Variants in ITPR1 observed in about 807,000 individuals in gnomAD.
ITPR1 encodes the protein inositol 1,4,5-trisphosphate receptor type 1.
Under a neutral mutation model 318.4 loss-of-function variants are expected in ITPR1, and 96 were observed. The ratio of observed to expected loss-of-function variants is 0.30; its 90% CI spans 0.26 to 0.36. The LOEUF (loss-of-function observed/expected upper bound fraction) is 0.36. ITPR1 is among the 10% of genes least tolerant of loss of function. The probability of loss-of-function intolerance (pLI) is 1.00; values close to 1 mark genes in which losing one functional copy is unlikely to be tolerated. For missense variants in ITPR1, 2,440 were observed against 3,460.2 expected, an observed-to-expected ratio of 0.71 and a Z score of 7.40; for synonymous variants, 1,312 against 1,289.9, an observed-to-expected ratio of 1.02 and a Z score of -0.37.
chr3:4,740,473 T>C (rs914333814), intron 44 of ITPR1, among the ~76,000 whole-genome samples: 7 of 152,216 alleles, frequency 4.6e-5, no homozygotes, highest in African/African-American at 1.4e-4. Flanking sequence ...TTTATGGGAA[T>C]CCACAAATAA....
intron 43 of ITPR1, 80 bp from the exon 44 acceptor site, chr3:4,735,084 A>G (rs537868398): frequency 9.3e-7 from 1 of 1,074,788 alleles, no homozygotes; most frequent in South Asian, 1.5e-5. Context: ...TAGTGCATAA[A>G]GTGTTGGTGC....
At chr3:4,541,030 A>G (rs562425140) in intron 4 of ITPR1, among the ~76,000 whole-genome samples, 1 of 152,138 alleles carries the variant, frequency 6.6e-6, no homozygotes, top group South Asian at 2.1e-4. Context: ...GTTTATAACT[A>G]TCATTATTCT....
intron 40 of ITPR1, among the ~76,000 whole-genome samples, chr3:4,718,463 C>T (rs1417339983): frequency 6.6e-6 from 1 of 152,146 alleles, no homozygotes; most frequent in African/African-American, 2.4e-5. Context: ...TCAGATATCC[C>T]TAAGGAGGGT....
At chr3:4,725,426 G>A in intron 40 of ITPR1, 120 bp from the exon 41 acceptor site, 4 of 786,698 alleles carry the variant, frequency 5.1e-6, no homozygotes, top group South Asian at 2.9e-5. Context: ...ATCCAGCAGG[G>A]TTGCCTCATC....
intron 5 of ITPR1, among the ~76,000 whole-genome samples, chr3:4,630,149 A>T (rs1027670316): frequency 7.2e-5 from 11 of 152,170 alleles, no homozygotes; most frequent in Non-Finnish European, 1.3e-4. Flanking sequence ...TCTTAAGTCA[A>T]TGCTCAGGGA....
At chr3:4,616,957 G>C (rs559012788) in intron 4 of ITPR1, among the ~76,000 whole-genome samples, 1 of 151,692 alleles carries the variant, frequency 6.6e-6, no homozygotes, top group Non-Finnish European at 1.5e-5. Flanking sequence ...GTGAAGAGTC[G>C]GTGTGCCTTC....
At chr3:4,621,438 C>A (rs566446108) in intron 4 of ITPR1, among the ~76,000 whole-genome samples, 1 of 152,282 alleles carries the variant, frequency 6.6e-6, no homozygotes, top group African/African-American at 2.4e-5. Context: ...CATGAGAAAT[C>A]CACCCCCATG....
intron 60 of ITPR1, among the ~76,000 whole-genome samples, chr3:4,834,828 G>C (rs149248417): frequency 6.6e-6 from 1 of 152,146 alleles, no homozygotes; most frequent in Non-Finnish European, 1.5e-5. Flanking sequence ...CCATTGCTCT[G>C]TGGTGGGAAA....
At chr3:4,497,439 C>T (rs145872124) in intron 2 of ITPR1, among the ~76,000 whole-genome samples, 5 of 152,302 alleles carry the variant, frequency 3.3e-5, no homozygotes, top group African/African-American at 9.6e-5. Context: ...AACAAACCAT[C>T]CCGTTCCCAA....
At chr3:4,691,414 T>A in intron 32 of ITPR1, 70 bp downstream of exon 32, 1 of 1,119,404 alleles carries the variant, frequency 8.9e-7, no homozygotes. Context: ...TTTAATCTTA[T>A]CTGTATGAAC....
At chr3:4,814,611 G>GCT in intron 58 of ITPR1, 49 bp downstream of exon 58, 1 of 707,948 alleles carries the variant, frequency 1.4e-6, no homozygotes, top group Non-Finnish European at 2.4e-6. Flanking sequence ...GGGTGGGGTG[G>GCT]TTGGTGGGAG....
chr3:4,567,854 C>G (rs1305551976), intron 4 of ITPR1, among the ~76,000 whole-genome samples: 1 of 152,178 alleles, frequency 6.6e-6, no homozygotes, highest in East Asian at 1.9e-4. Context: ...TCCACCTGCC[C>G]TGGACTTCCA....
rs1387163929 is a variant in ITPR1 at position 4,642,071 on chromosome 3, T to C, written c.367-22T>C. The C allele has an allele frequency of 1.9e-6, 3 of 1,555,770 alleles. No homozygotes were observed. The African/African-American group carries it at 4.2e-5, about 22-fold the overall frequency. On this transcript the variant is annotated intron_variant, in intron 6 of 61. Transcript: ENST00000649015. ...AATTCAGATTTGCTGACACTCACTT[T>C]ATTCTCTTGGTGGGTTTTTAGCTCC...
chr3:4,646,439 A>G (rs1414775446), intron 10 of ITPR1, among the ~76,000 whole-genome samples: 1 of 152,230 alleles, frequency 6.6e-6, no homozygotes, highest in East Asian at 1.9e-4. Context: ...TGGAAACGTG[A>G]AGCAGCGTGG....
chr3:4,745,434 T>A (rs2125336104), intron 44 of ITPR1, among the ~76,000 whole-genome samples: 1 of 152,294 alleles, frequency 6.6e-6, no homozygotes, highest in East Asian at 1.9e-4. Flanking sequence ...GTGAGCCCCC[T>A]CTGACCGTCC....
chr3:4,830,280 A>C (rs1298028434), intron 60 of ITPR1, among the ~76,000 whole-genome samples: 1 of 152,010 alleles, frequency 6.6e-6, no homozygotes, highest in Non-Finnish European at 1.5e-5. Flanking sequence ...CTGGCCTATA[A>C]TAGATATTAT....
intron 4 of ITPR1, among the ~76,000 whole-genome samples, chr3:4,541,750 C>A (rs1489146052): frequency 6.6e-6 from 1 of 151,982 alleles, no homozygotes; most frequent in Non-Finnish European, 1.5e-5. Context: ...CTCAGCCTCC[C>A]GAGTAGCTGG....
chr3:4,806,694 C>T (rs2048575208), intron 55 of ITPR1, among the ~76,000 whole-genome samples: 1 of 152,144 alleles, frequency 6.6e-6, no homozygotes, highest in African/African-American at 2.4e-5. Flanking sequence ...AGAGTAGGAG[C>T]TAGTTTTGAA....
At chr3:4,670,043 A>G (rs1156916691) in intron 19 of ITPR1, among the ~76,000 whole-genome samples, 1 of 152,186 alleles carries the variant, frequency 6.6e-6, no homozygotes, top group Non-Finnish European at 1.5e-5. Context: ...GCTACATTTT[A>G]AGAGTTTAAA....
Sources: gnomAD v4.1 joint callset for allele counts (sites outside exome capture counted in the v4.1 genomes callset) on GRCh38, gnomAD v4.1.1 for gene constraint, MANE v1.5 for transcripts, NCBI Gene and HGNC (gene_info 2026-07-23, HGNC 2026-07-21) for gene names.